SPSB4: variants seen among roughly 807,000 people sequenced by gnomAD.
SPSB4 encodes splA/ryanodine receptor domain and SOCS box containing 4, also known as SPRY domain-containing SOCS box protein 4.
In SPSB4, 21 loss-of-function variants were observed where a neutral mutation model predicts 20.9. The ratio of observed to expected loss-of-function variants is 1.01; its 90% confidence interval spans 0.71 to 1.45. The LOEUF (loss-of-function observed/expected upper bound fraction) is 1.45. SPSB4 is among the 40% of genes most tolerant of loss of function. The pLI, the probability that SPSB4 is intolerant of heterozygous loss-of-function variation, is 0.00. For synonymous variants in SPSB4, 207 were observed against 183.8 expected (o/e 1.13, Z -1.02); for missense variants, 399 against 399.2 (o/e 1.00, Z 0.00).
At chr3:141,119,305 G>A (rs1193137526) in intron 2 of SPSB4, among the ~76,000 whole-genome samples, 6 of 152,188 alleles carry the variant, frequency 3.9e-5, no homozygotes, top group South Asian at 4.1e-4. Flanking sequence ...TGTTGTTGGT[G>A]TATGGGAATG....
chr3:141,094,762 G>GCCCGCCC (rs1160459571), intron 2 of SPSB4, among the ~76,000 whole-genome samples: 2 of 130,314 alleles, frequency 1.5e-5, no homozygotes, highest in Admixed American at 8.1e-5. Context: ...CTTGTGCCCT[G>GCCCGCCC]CCCGCCCCCC....
intron 2 of SPSB4, among the ~76,000 whole-genome samples, chr3:141,131,921 C>T (rs1576541608): frequency 6.6e-6 from 1 of 152,208 alleles, no homozygotes; most frequent in Admixed American, 6.5e-5. Context: ...CCACTAAAAG[C>T]ATTGTGAGCA....
intron 2 of SPSB4, among the ~76,000 whole-genome samples, chr3:141,088,603 C>G (rs1024110728): frequency 4.6e-5 from 7 of 152,196 alleles, no homozygotes; most frequent in African/African-American, 1.7e-4. Flanking sequence ...GGAGTTAACA[C>G]CCTTGGGGAT....
intron 2 of SPSB4, among the ~76,000 whole-genome samples, chr3:141,144,422 C>T (rs1177123940): frequency 6.6e-6 from 1 of 152,174 alleles, no homozygotes; most frequent in Non-Finnish European, 1.5e-5. Context: ...CCTTTCCTAT[C>T]CAGGTGATTA....
intron 2 of SPSB4, among the ~76,000 whole-genome samples, chr3:141,146,050 T>C (rs550979038): frequency 3.3e-5 from 5 of 152,236 alleles, no homozygotes; most frequent in African/African-American, 1.2e-4. Flanking sequence ...ATTCACCTAT[T>C]TAAAATCCCA....
At chr3:141,080,579 C>G (rs1020404656) in intron 2 of SPSB4, among the ~76,000 whole-genome samples, 1 of 152,222 alleles carries the variant, frequency 6.6e-6, no homozygotes, top group African/African-American at 2.4e-5. Context: ...TTGGCTGGAC[C>G]CTGGGAAGGG....
chr3:141,103,337 T>C (rs142500947), intron 2 of SPSB4, among the ~76,000 whole-genome samples: 1,548 of 152,208 alleles, frequency 0.01, 20 homozygotes, highest in African/African-American at 0.036. Context: ...TCAGGCACAG[T>C]GTGGACACAG....
chr3:141,088,436 G>A (rs1938391322), intron 2 of SPSB4, among the ~76,000 whole-genome samples: 1 of 152,204 alleles, frequency 6.6e-6, no homozygotes, highest in African/African-American at 2.4e-5. Flanking sequence ...ATTCTAAAGT[G>A]CCTCTATCCC....
chr3:141,126,223 A>T (rs1478352101), intron 2 of SPSB4, among the ~76,000 whole-genome samples: 1 of 152,184 alleles, frequency 6.6e-6, no homozygotes, highest in Non-Finnish European at 1.5e-5. Context: ...TTAATGGAAG[A>T]ACTGAGGCTC....
chr3:141,104,154 C>T (rs1484407751), intron 2 of SPSB4, among the ~76,000 whole-genome samples: 2 of 152,178 alleles, frequency 1.3e-5, no homozygotes, highest in African/African-American at 4.8e-5. Context: ...GGAGTGCCTG[C>T]AGGTCCCTGC....
chr3:141,052,798 G>A (rs765530570), intron 1 of SPSB4, among the ~76,000 whole-genome samples: 27 of 152,252 alleles, frequency 1.8e-4, no homozygotes, highest in Middle Eastern at 3.4e-3. Flanking sequence ...GAGGGAGGGG[G>A]TCAGAGACTT....
chr3:141,063,293 G>T (rs1937800431), intron 1 of SPSB4, among the ~76,000 whole-genome samples: 1 of 152,168 alleles, frequency 6.6e-6, no homozygotes, highest in South Asian at 2.1e-4. Flanking sequence ...ATGGTTGGGG[G>T]TTTTGTGTTT....
intron 2 of SPSB4, among the ~76,000 whole-genome samples, chr3:141,074,654 G>C (rs573047897): frequency 6.6e-6 from 1 of 152,192 alleles, no homozygotes; most frequent in South Asian, 2.1e-4. Context: ...CTAAAAGGCC[G>C]CAGCTCCCCG....
In SPSB4 at chr3:141,066,061, C is replaced by T. The variant is rs1177668332; in HGVS notation, c.-44C>T. The T allele has an allele frequency of 2.4e-5, 35 of 1,446,600 alleles. No individual in the cohort carries two copies. The highest frequency in any genetic ancestry group is 2.7e-5 in the East Asian group (1 of 36,812). The allele number at this position is 1,446,600 out of a possible 1,614,324, so 89.6% of individuals were successfully genotyped here. A position where few individuals can be genotyped will look rare whatever the true frequency, so the allele number is the denominator to read the frequency against. The stretch of plus-strand genomic sequence containing the variant: ...TGGCTACGGGGAGTGGAGGCTCCCA[C>T]GAGGTAGCGGTGGCCTGCAGCGGCC... On this transcript the variant is annotated 5_prime_UTR_variant, in exon 2 of 3. In the 5' UTR this introduces an upstream ATG that the reference lacks. Coordinates refer to ENST00000310546, the MANE Select transcript of SPSB4 (RefSeq NM_080862.3).
At chr3:141,108,531 T>G (rs1938736357) in intron 2 of SPSB4, among the ~76,000 whole-genome samples, 1 of 152,230 alleles carries the variant, frequency 6.6e-6, no homozygotes, top group South Asian at 2.1e-4. Context: ...ATGTTCTGTG[T>G]GTGTTTGATC....
chr3:141,066,602 GC>G lies in SPSB4; in HGVS notation c.501del (p.Asp168ThrfsTer46). 1 of 1,582,588 alleles carries G rather than the reference GC, an allele frequency of 6.3e-7. No individual in the cohort carries two copies. Among genetic ancestry groups the G allele is most frequent in the Non-Finnish European group, 8.6e-7 (1 of 1,164,672 alleles). ...PGVAYPAFLG[P>X]DEAFALPDSL... ...GCGTGGCCTACCCGGCCTTTCTGGG[GC>G]CCGACGAGGCCTTTGCGCTGCCCGA... On this transcript the variant is annotated frameshift_variant, in exon 2 of 3. Transcript: ENST00000310546. LOFTEE classifies it high-confidence loss of function.
At chr3:141,067,900 C>G (rs1353975505) in intron 2 of SPSB4, among the ~76,000 whole-genome samples, 1 of 152,194 alleles carries the variant, frequency 6.6e-6, no homozygotes, top group Non-Finnish European at 1.5e-5. Flanking sequence ...ATTACCAGCC[C>G]CTGAGGCAGA....
At chr3:141,060,273 G>A (rs1280009000) in intron 1 of SPSB4, among the ~76,000 whole-genome samples, 1 of 152,196 alleles carries the variant, frequency 6.6e-6, no homozygotes, top group Non-Finnish European at 1.5e-5. Flanking sequence ...TTTCAAACAT[G>A]TTTAAGTGTC....
At chr3:141,140,598 C>T (rs1211243732) in intron 2 of SPSB4, among the ~76,000 whole-genome samples, 2 of 152,210 alleles carry the variant, frequency 1.3e-5, no homozygotes, top group East Asian at 1.9e-4. Flanking sequence ...GAGGTCCACT[C>T]CAGACCCTGT....
Sources: allele counts gnomAD v4.1 joint callset (sites outside exome capture counted in the v4.1 genomes callset), GRCh38; gene constraint gnomAD v4.1.1; transcripts MANE v1.5; gene names NCBI Gene and HGNC (gene_info 2026-07-23, HGNC 2026-07-21).